TMOD1: variants seen among roughly 807,000 people sequenced by gnomAD.
The protein encoded by TMOD1 is tropomodulin-1.
TMOD1 carries 17 observed loss-of-function variants against 40.6 expected under a neutral mutation model. The ratio of observed to expected loss-of-function variants is 0.42; its 90% confidence interval spans 0.29 to 0.63. The LOEUF is 0.63. TMOD1 is among the 20% of genes least tolerant of loss of function. The pLI is 0.22. For synonymous variants in TMOD1, 181 were observed against 175.0 expected (o/e 1.03, Z -0.27); for missense variants, 391 against 447.6 (o/e 0.87, Z 1.14).
chr9:97,510,817 T>A (rs1243078838), intron 1 of TMOD1, among the ~76,000 whole-genome samples: 3 of 152,064 alleles, frequency 2.0e-5, no homozygotes, highest in Non-Finnish European at 2.9e-5. Context: ...TCTCTTCTGC[T>A]GGTGTGGAGG....
chr9:97,561,928 T>A (rs1441970720), intron 4 of TMOD1, among the ~76,000 whole-genome samples: 1 of 152,156 alleles, frequency 6.6e-6, no homozygotes, highest in Admixed American at 6.5e-5. Flanking sequence ...GGACTGAACT[T>A]TTTCCTCTAC....
In TMOD1 at chr9:97,524,249, G is replaced by T. The variant is rs1829962990; in HGVS notation, c.61G>T (p.Ala21Ser). The change falls in exon 2 of 10, where the codon GCC (alanine) becomes TCC (serine). Residue 21 changes from alanine to serine, a missense_variant. Transcript: ENST00000259365. ...RDLDEDEILGALTEEELRTLE... is the reference protein window; with the variant it reads ...RDLDEDEILGSLTEEELRTLE... ...CCTGGATGAAGATGAAATCCTTGGA[G>T]CCCTAACAGAGGAAGAGCTGAGGAC... 1 of 1,614,084 alleles carries T rather than the reference G, an allele frequency of 6.2e-7. No individual in the cohort carries two copies. The highest frequency in any genetic ancestry group is 1.7e-5 in the Admixed American group (1 of 59,996).
chr9:97,503,388 C>T (rs562257368), intron 1 of TMOD1, among the ~76,000 whole-genome samples: 2 of 152,314 alleles, frequency 1.3e-5, no homozygotes, highest in South Asian at 2.1e-4. Context: ...TTCTACTTTA[C>T]TTTCTGTTAT....
chr9:97,600,897 C>CAGTT lies in TMOD1; in HGVS notation c.*1201_*1204dup. On this transcript the variant is annotated 3_prime_UTR_variant, in exon 10 of 10. Transcript: ENST00000259365. ...TGTGCCTTTTAATATACCACAGTGCCAGTTAAACTAATATTTTTGTTTGTT... is the reference window on the plus strand; with the variant it reads ...TGTGCCTTTTAATATACCACAGTGCCAGTTAGTTAAACTAATATTTTTGTTTGTT... 3 of 1,154,014 alleles carry CAGTT rather than the reference C, an allele frequency of 2.6e-6. No homozygotes were observed. Among genetic ancestry groups the CAGTT allele is most frequent in the Non-Finnish European group, 3.3e-6 (3 of 919,432 alleles). 71.5% of individuals were successfully genotyped at this position (1,154,014 alleles called of 1,614,324 possible).
At chr9:97,562,041 T>G (rs1462814238) in intron 4 of TMOD1, among the ~76,000 whole-genome samples, 1 of 152,220 alleles carries the variant, frequency 6.6e-6, no homozygotes, top group Non-Finnish European at 1.5e-5. Flanking sequence ...ACCCAGTCTT[T>G]CTTATTCTCC....
intron 4 of TMOD1, among the ~76,000 whole-genome samples, chr9:97,560,872 A>C (rs1029375966): frequency 6.6e-6 from 1 of 152,060 alleles, no homozygotes; most frequent in African/African-American, 2.4e-5. Flanking sequence ...CAAAAAAAAA[A>C]ATTTGTTGTT....
At chr9:97,515,494 G>C (rs987141590) in intron 1 of TMOD1, among the ~76,000 whole-genome samples, 7 of 151,942 alleles carry the variant, frequency 4.6e-5, no homozygotes, top group Non-Finnish European at 7.4e-5. Context: ...TGCCCAGGCT[G>C]TTCTCGAACT....
chr9:97,546,161 GC>G (rs758501153), intron 2 of TMOD1, 23 bp from the exon 3 acceptor site: 53 of 1,584,766 alleles, frequency 3.3e-5, no homozygotes, highest in East Asian at 3.2e-4. Flanking sequence ...TCTCTCTCCT[GC>G]CCCCCCACAA....
intron 3 of TMOD1, among the ~76,000 whole-genome samples, chr9:97,547,652 G>C (rs1830386901): frequency 6.6e-6 from 1 of 152,216 alleles, no homozygotes; most frequent in South Asian, 2.1e-4. Context: ...CAACTGTACA[G>C]TCTTCTCTTT....
At chr9:97,516,617 C>G (rs1420625309) in intron 1 of TMOD1, 7 of 152,324 alleles carry the variant, frequency 4.6e-5, no homozygotes, top group Admixed American at 4.6e-4. Flanking sequence ...AGAACTGAGG[C>G]AGGGGACTAG....
intron 1 of TMOD1, among the ~76,000 whole-genome samples, chr9:97,503,387 A>T (rs543862192): frequency 6.6e-6 from 1 of 152,208 alleles, no homozygotes; most frequent in South Asian, 2.1e-4. Flanking sequence ...CTTCTACTTT[A>T]CTTTCTGTTA....
At chr9:97,542,719 G>A (rs548191575) in intron 2 of TMOD1, among the ~76,000 whole-genome samples, 2 of 152,094 alleles carry the variant, frequency 1.3e-5, no homozygotes, top group African/African-American at 2.4e-5. Context: ...CGGGCATGGT[G>A]GTGGGCATCT....
At position 97,524,296 on chromosome 9, in the gene TMOD1, G is replaced by A; in HGVS notation, c.108G>A (p.Glu36=). 2 of 1,614,088 alleles carry A rather than the reference G, an allele frequency of 1.2e-6. No homozygotes were observed. The highest frequency in any genetic ancestry group is 1.7e-6 in the Non-Finnish European group (2 of 1,179,954). Residue 36 remains glutamate (E), a synonymous_variant, in exon 2 of 10, where the codon GAG becomes GAA. Coordinates refer to ENST00000259365, the MANE Select transcript of TMOD1 (RefSeq NM_003275.4). ...ELRTLENELD[E]LDPDNALLPA... ...GGACCCTGGAAAATGAGCTGGATGAGCTGGACCCTGATGTGAGTAGGTGCT... is the reference window on the plus strand; with the variant it reads ...GGACCCTGGAAAATGAGCTGGATGAACTGGACCCTGATGTGAGTAGGTGCT...
intron 3 of TMOD1, among the ~76,000 whole-genome samples, chr9:97,549,904 A>G (rs1462597941): frequency 2.0e-5 from 3 of 152,120 alleles, no homozygotes; most frequent in Non-Finnish European, 4.4e-5. Context: ...GTTTTTGTAA[A>G]TTGAGGTAAA....
rs1471044420 is a variant in TMOD1 at position 97,591,451 on chromosome 9, C to A, written c.1015+16C>A. On this transcript the variant is annotated intron_variant, in intron 9 of 9. Transcript: ENST00000259365. ...AATGACCTTGGTGAGTAGAAATATG[C>A]TTCCTGCCCTGCCCGCAGTCCTGTT... 1 of 1,611,848 alleles carries A rather than the reference C, an allele frequency of 6.2e-7. No homozygotes were observed. Among genetic ancestry groups the A allele is most frequent in the African/African-American group, 1.3e-5 (1 of 74,852 alleles).
chr9:97,522,527 G>A (rs548545568), intron 1 of TMOD1, among the ~76,000 whole-genome samples: 2 of 152,204 alleles, frequency 1.3e-5, no homozygotes, highest in South Asian at 4.1e-4. Flanking sequence ...CTGGGGGTTA[G>A]AACTTCAACA....
chr9:97,548,459 G>A (rs1248345459), intron 3 of TMOD1, among the ~76,000 whole-genome samples: 1 of 152,162 alleles, frequency 6.6e-6, no homozygotes, highest in Non-Finnish European at 1.5e-5. Flanking sequence ...GGAGGGGGTG[G>A]CAGGAGAGAA....
chr9:97,540,147 C>T (rs1830256313), intron 2 of TMOD1, among the ~76,000 whole-genome samples: 1 of 152,168 alleles, frequency 6.6e-6, no homozygotes, highest in Non-Finnish European at 1.5e-5. Flanking sequence ...TCTCCATCTC[C>T]CTTCAACCTT....
At chr9:97,538,120 A>C (rs1830212423) in intron 2 of TMOD1, among the ~76,000 whole-genome samples, 2 of 152,204 alleles carry the variant, frequency 1.3e-5, no homozygotes, top group South Asian at 4.1e-4. Flanking sequence ...TGAACGCTCT[A>C]GTATGCCCCA....
Sources: gnomAD v4.1 joint callset for allele counts (sites outside exome capture counted in the v4.1 genomes callset) on GRCh38, gnomAD v4.1.1 for gene constraint, MANE v1.5 for transcripts, NCBI Gene and HGNC (gene_info 2026-07-23, HGNC 2026-07-21) for gene names.